The following RPS6KA5 variants were observed in gnomAD, a reference collection of about 807,000 sequenced individuals.
RPS6KA5 encodes the protein ribosomal protein S6 kinase alpha-5.
Under a neutral mutation model 85.5 loss-of-function variants are expected in RPS6KA5, and 27 were observed. The ratio of observed to expected loss-of-function variants is 0.32; its 90% CI spans 0.23 to 0.44. The LOEUF (loss-of-function observed/expected upper bound fraction) is 0.44, where lower values mean the gene tolerates loss of function less well. Among genes scored for constraint, RPS6KA5 ranks in the 20% least tolerant of loss-of-function variants. RPS6KA5 has a pLI of 1.00. For synonymous variants in RPS6KA5, 334 were observed against 348.2 expected (o/e 0.96, Z 0.46); for missense variants, 811 against 980.9 (o/e 0.83, Z 2.31).
In RPS6KA5 at chr14:90,854,681, T is replaced by C. The variant is rs1046189299; in HGVS notation, c.*17393A>G. ...TATCAGACTCACTCAGTAAAAAATA[T>C]ACTATACTTACTACAAATACATTAT... On this transcript the variant is annotated 3_prime_UTR_variant, in exon 17 of 17. Coordinates refer to ENST00000614987, the MANE Select transcript of RPS6KA5 (RefSeq NM_004755.4). 1 of 152,192 alleles carries C rather than the reference T, an allele frequency of 6.6e-6. No homozygotes were observed. The highest frequency in any genetic ancestry group is 6.5e-5 in the Admixed American group (1 of 15,274). 9.4% of individuals were successfully genotyped at this position (152,192 alleles called of 1,614,324 possible).
chr14:91,051,241 TAAAAATAAATAA>T (rs1298956016), intron 1 of RPS6KA5, among the ~76,000 whole-genome samples: 2 of 101,392 alleles, frequency 2.0e-5, no homozygotes, highest in African/African-American at 8.4e-5. Context: ...CCTGTCTAAA[TAAAAATAAATAA>T]ATAAATAAAT....
At chr14:91,039,086 C>T (rs1419994960) in intron 1 of RPS6KA5, among the ~76,000 whole-genome samples, 2 of 152,178 alleles carry the variant, frequency 1.3e-5, no homozygotes, top group Non-Finnish European at 2.9e-5. Context: ...CATCCCCATA[C>T]CATTCAAGTC....
At chr14:90,935,956 CTTTT>C (rs140981520) in intron 5 of RPS6KA5, among the ~76,000 whole-genome samples, 2,809 of 152,224 alleles carry the variant, frequency 0.018, 35 homozygotes, top group Middle Eastern at 0.031. Context: ...TTTACCAACA[CTTTT>C]TTTAACTGTC....
At chr14:90,894,631 G>A (rs2034737755) in intron 12 of RPS6KA5, 48 bp from the exon 13 acceptor site, 1 of 1,589,368 alleles carries the variant, frequency 6.3e-7, no homozygotes, top group Non-Finnish European at 8.6e-7. Flanking sequence ...AAGCACAGAA[G>A]TCTATTAACA....
intron 10 of RPS6KA5, 98 bp downstream of exon 10, chr14:90,900,513 T>C: frequency 1.6e-6 from 2 of 1,261,406 alleles, no homozygotes; most frequent in Non-Finnish European, 2.1e-6. Context: ...AAATTGCACT[T>C]TAGTTGAATT....
intron 8 of RPS6KA5, among the ~76,000 whole-genome samples, chr14:90,905,890 T>C (rs151302543): frequency 6.6e-5 from 10 of 151,774 alleles, no homozygotes; most frequent in Middle Eastern, 3.4e-3. Context: ...ATGTAGAAAA[T>C]TGAATGCTAT....
chr14:91,058,093 C>G (rs908641291), intron 1 of RPS6KA5, among the ~76,000 whole-genome samples: 5 of 152,222 alleles, frequency 3.3e-5, no homozygotes, highest in Non-Finnish European at 5.9e-5. Context: ...TCAAATTACT[C>G]TGGTGCCTAT....
At chr14:91,047,617 A>G (rs1300027842) in intron 1 of RPS6KA5, among the ~76,000 whole-genome samples, 1 of 152,214 alleles carries the variant, frequency 6.6e-6, no homozygotes, top group Non-Finnish European at 1.5e-5. Flanking sequence ...GGTTAATCCA[A>G]TCTTAGTAAG....
chr14:90,960,006 A>T (rs2038715048), intron 3 of RPS6KA5, among the ~76,000 whole-genome samples: 2 of 152,212 alleles, frequency 1.3e-5, no homozygotes, highest in Admixed American at 6.5e-5. Flanking sequence ...CAACTTGATC[A>T]TGCCCAGCAT....
In RPS6KA5 at chr14:90,870,806, T is replaced by C. The variant is rs1018482716; in HGVS notation, c.*1268A>G. 3 of 59,710 alleles carry C rather than the reference T, an allele frequency of 5.0e-5. No individual in the cohort carries two copies. The highest frequency in any genetic ancestry group is 2.3e-4 in the African/African-American group (2 of 8,546). The allele number at this position is 59,710 out of a possible 1,614,324, so 3.7% of individuals were successfully genotyped here. ...TATAACACACAAACCCTATCACTTC[T>C]TTTTTTTTTTTTTTTTTTTTTGCAT... On this transcript the variant is annotated 3_prime_UTR_variant, in exon 17 of 17. Transcript: ENST00000614987.
At chr14:90,984,017 G>C (rs574135796) in intron 2 of RPS6KA5, among the ~76,000 whole-genome samples, 3 of 152,034 alleles carry the variant, frequency 2.0e-5, no homozygotes, top group Admixed American at 1.3e-4. Flanking sequence ...GCTAATTTTT[G>C]TATTTTTAGT....
At chr14:91,028,692 G>GT (rs1804321262) in intron 1 of RPS6KA5, among the ~76,000 whole-genome samples, 1 of 151,654 alleles carries the variant, frequency 6.6e-6, no homozygotes, top group Non-Finnish European at 1.5e-5. Context: ...CTAATTTTTT[G>GT]TATTTTTAGT....
chr14:90,985,375 C>T (rs1888372514), intron 2 of RPS6KA5, among the ~76,000 whole-genome samples: 1 of 152,184 alleles, frequency 6.6e-6, no homozygotes. Context: ...CGTTTACATG[C>T]ATTATTCTGA....
chr14:90,961,187 A>T (rs1399732676), intron 3 of RPS6KA5, among the ~76,000 whole-genome samples: 1 of 152,228 alleles, frequency 6.6e-6, no homozygotes, highest in African/African-American at 2.4e-5. Context: ...GTTAGATATG[A>T]TGAATCTCAT....
Position 90,950,237 on chromosome 14 carries a change from T to G in RPS6KA5, c.395-2687A>C, listed in dbSNP as rs536777223. Among the ~76,000 whole-genome samples the G allele has an allele frequency of 2.4e-4, 37 of 152,368 alleles. No homozygotes were observed. The East Asian group carries it at 6.9e-3, about 29-fold the overall frequency. ...TCATTTTCAGACTGTTTATTCCAAA[T>G]GTATAGAAATATATTTGATTTTTGT... On this transcript the variant is annotated intron_variant, in intron 3 of 16. Coordinates refer to ENST00000614987, the MANE Select transcript of RPS6KA5 (RefSeq NM_004755.4).
chr14:90,965,882 T>C (rs151285697), intron 3 of RPS6KA5, among the ~76,000 whole-genome samples: 6 of 151,942 alleles, frequency 3.9e-5, no homozygotes, highest in Middle Eastern at 3.4e-3. Flanking sequence ...CAAAAGAAGG[T>C]AGGGCTCAGA....
intron 5 of RPS6KA5, among the ~76,000 whole-genome samples, chr14:90,936,242 A>G (rs760712670): frequency 5.9e-5 from 9 of 152,224 alleles, no homozygotes; most frequent in Non-Finnish European, 8.8e-5. Flanking sequence ...TTTAACCTGT[A>G]TGTAGTCTAG....
intron 3 of RPS6KA5, among the ~76,000 whole-genome samples, chr14:90,972,403 T>C (rs1204281367): frequency 6.6e-6 from 1 of 152,166 alleles, no homozygotes; most frequent in East Asian, 1.9e-4. Flanking sequence ...TAAAACAGTA[T>C]AGTACTGGTA....
In RPS6KA5 at chr14:90,869,799, T is replaced by C. The variant is rs1435767776; in HGVS notation, c.*2275A>G. The C allele has an allele frequency of 2.6e-5, 4 of 152,222 alleles. No homozygotes were observed. The highest frequency in any genetic ancestry group is 3.8e-4 in the East Asian group (2 of 5,206). The allele number at this position is 152,222 out of a possible 1,614,324, so 9.4% of individuals were successfully genotyped here. A position where few individuals can be genotyped will look rare whatever the true frequency, so the allele number is the denominator to read the frequency against. ...AAACTTGGCATCAAATGCTGTCTTT[T>C]TGGTACTTATAAGTAGGGTGTAGAT... On this transcript the variant is annotated 3_prime_UTR_variant, in exon 17 of 17. Transcript: ENST00000614987.
Sources: allele counts gnomAD v4.1 joint callset (sites outside exome capture counted in the v4.1 genomes callset), GRCh38; gene constraint gnomAD v4.1.1; transcripts MANE v1.5; gene names NCBI Gene and HGNC (gene_info 2026-07-23, HGNC 2026-07-21).